The following UBR2 variants were observed in gnomAD, a reference collection of about 807,000 sequenced individuals.
UBR2 encodes E3 ubiquitin-protein ligase UBR2.
UBR2 carries 92 observed loss-of-function variants against 247.9 expected under a neutral mutation model. The observed-to-expected ratio is 0.37, with a 90% confidence interval of 0.31 to 0.44. The LOEUF is 0.44. Among genes scored for constraint, UBR2 ranks in the 20% least tolerant of loss-of-function variants. UBR2 has a pLI of 1.00. For missense variants in UBR2, 1,613 were observed against 2,112.6 expected (o/e 0.76, Z 4.64); for synonymous variants, 672 against 693.5 (o/e 0.97, Z 0.49).
At chr6:42,667,524 A>G (rs1413962802) in intron 34 of UBR2, among the ~76,000 whole-genome samples, 2 of 143,904 alleles carry the variant, frequency 1.4e-5, no homozygotes, top group Admixed American at 7.0e-5. Flanking sequence ...CATTATAATA[A>G]CTGTGTTTCT....
chr6:42,661,838 G>C (rs1389521713), intron 30 of UBR2, among the ~76,000 whole-genome samples: 1 of 152,310 alleles, frequency 6.6e-6, no homozygotes, highest in Non-Finnish European at 1.5e-5. Flanking sequence ...GAAGAGAGTA[G>C]CTCTTTTACC....
At chr6:42,614,404 G>GTATA (rs372482129) in intron 8 of UBR2, among the ~76,000 whole-genome samples, 73,056 of 114,182 alleles carry the variant, frequency 0.64, 26,179 homozygotes, top group East Asian at 0.77. Flanking sequence ...ACATACATAC[G>GTATA]TATGTATGTA....
In UBR2 at chr6:42,686,961, C is replaced by T. The variant is rs544726291; in HGVS notation, c.4854-1255C>T. Among the ~76,000 whole-genome samples, 735 of 147,682 alleles carry T rather than the reference C, an allele frequency of 5.0e-3. 4 individuals carry two copies. The highest frequency in any genetic ancestry group is 7.0e-3 in the Non-Finnish European group (465 of 66,906). On this transcript the variant is annotated intron_variant, in intron 44 of 46. Transcript: ENST00000372901. ...GCAGAGGCGCTCCCCACATCCCAGA[C>T]GATGGGCGGCCGGGCAGAGACGCTC...
intron 11 of UBR2, among the ~76,000 whole-genome samples, chr6:42,626,039 C>A (rs1795327900): frequency 6.6e-6 from 1 of 152,100 alleles, no homozygotes; most frequent in African/African-American, 2.4e-5. Flanking sequence ...TGGTCTCGAT[C>A]TCCTGACCTC....
intron 37 of UBR2, 104 bp downstream of exon 37, chr6:42,673,991 C>T: frequency 1.6e-6 from 2 of 1,279,142 alleles, no homozygotes; most frequent in Non-Finnish European, 1.1e-6. Context: ...TTTAGTAGTA[C>T]TGGTTTTCTT....
chr6:42,648,818 A>G (rs1190566431), intron 22 of UBR2, among the ~76,000 whole-genome samples: 1 of 152,182 alleles, frequency 6.6e-6, no homozygotes, highest in East Asian at 1.9e-4. Context: ...ATATCTTTCT[A>G]AATTTTTTTT....
chr6:42,670,248 A>G lies in UBR2; in HGVS notation c.4030+8A>G. The G allele has an allele frequency of 6.2e-7, 1 of 1,610,934 alleles. No homozygotes were observed. Among genetic ancestry groups the G allele is most frequent in the Non-Finnish European group, 8.5e-7 (1 of 1,177,490 alleles). Reference sequence around the variant, plus strand: ...ACACCATCCAAAGCATAGGTAAGAGATTTACAGCTGTTTCTCTATAAGTCA... The same window carrying G: ...ACACCATCCAAAGCATAGGTAAGAGGTTTACAGCTGTTTCTCTATAAGTCA... On this transcript the variant is annotated splice_region_variant and intron_variant, in intron 35 of 46. Transcript: ENST00000372901.
chr6:42,686,807 C>T (rs572012342), intron 44 of UBR2, among the ~76,000 whole-genome samples: 22 of 151,790 alleles, frequency 1.4e-4, no homozygotes, highest in East Asian at 2.0e-4. Flanking sequence ...ACTTCCCAGA[C>T]GGGGCGGCTG....
At chr6:42,639,321 G>C (rs1796284269) in intron 15 of UBR2, among the ~76,000 whole-genome samples, 1 of 152,232 alleles carries the variant, frequency 6.6e-6, no homozygotes, top group Non-Finnish European at 1.5e-5. Flanking sequence ...GGCTGGGCGT[G>C]GTGGCTCATG....
At position 42,670,152 on chromosome 6, in the gene UBR2, G is replaced by A. The variant is rs199591807; in HGVS notation, c.3942G>A (p.Lys1314=). ...CGACATTTGGAACTGCTACCTACAAGGTGGGACTAAAGGTTCATCCCAATG... is the reference window on the plus strand; with the variant it reads ...CGACATTTGGAACTGCTACCTACAAAGTGGGACTAAAGGTTCATCCCAATG... ...MLTTFGTATY[K]VGLKVHPNEE... Residue 1314 remains lysine, a synonymous_variant, in exon 35 of 47, where the codon AAG becomes AAA. Coordinates refer to ENST00000372901, the MANE Select transcript of UBR2 (RefSeq NM_001363705.2). 4 of 1,614,140 alleles carry A rather than the reference G, an allele frequency of 2.5e-6. No homozygotes were observed. The East Asian group carries it at 8.9e-5, about 36-fold the overall frequency.
chr6:42,634,978 T>C (rs1795995128), intron 13 of UBR2, among the ~76,000 whole-genome samples: 1 of 152,230 alleles, frequency 6.6e-6, no homozygotes, highest in African/African-American at 2.4e-5. Context: ...TTTTGCCTTC[T>C]TTCAGGCTCT....
chr6:42,603,032 A>G (rs1793487371), intron 4 of UBR2, among the ~76,000 whole-genome samples: 1 of 152,150 alleles, frequency 6.6e-6, no homozygotes, highest in Non-Finnish European at 1.5e-5. Flanking sequence ...TCTTACGTCT[A>G]GTGTATGAAG....
Position 42,612,300 on chromosome 6 carries a change from A to G in UBR2, c.985+9A>G. On this transcript the variant is annotated intron_variant, in intron 8 of 46. Transcript: ENST00000372901. ...TATTATTGGATATTCAGGTAGGTTCATAAAAGTTCATGCCAATTGTCTATT... is the reference window on the plus strand; with the variant it reads ...TATTATTGGATATTCAGGTAGGTTCGTAAAAGTTCATGCCAATTGTCTATT... 6.7e-7 allele frequency: 1 copy of G among 1,496,352 alleles called. No individual in the cohort carries two copies. The highest frequency in any genetic ancestry group is 9.1e-7 in the Non-Finnish European group (1 of 1,100,556). The allele number at this position is 1,496,352 out of a possible 1,614,324, so 92.7% of individuals were successfully genotyped here.
At chr6:42,625,653 T>G (rs1645841064) in intron 11 of UBR2, among the ~76,000 whole-genome samples, 1 of 152,022 alleles carries the variant, frequency 6.6e-6, no homozygotes, top group Admixed American at 6.6e-5. Context: ...TTTTGCCATC[T>G]TGGCCAGGCT....
intron 4 of UBR2, among the ~76,000 whole-genome samples, chr6:42,595,261 A>G (rs892029145): frequency 6.6e-6 from 1 of 152,182 alleles, no homozygotes; most frequent in Non-Finnish European, 1.5e-5. Flanking sequence ...CATTCTTTCT[A>G]TCTAGCTTTG....
intron 25 of UBR2, among the ~76,000 whole-genome samples, chr6:42,654,739 G>C (rs1286163671): frequency 6.6e-6 from 1 of 152,040 alleles, no homozygotes; most frequent in Non-Finnish European, 1.5e-5. Flanking sequence ...AAAAAAACTT[G>C]GGCATGGGAT....
intron 7 of UBR2, among the ~76,000 whole-genome samples, chr6:42,606,927 G>A (rs1562303167): frequency 6.6e-6 from 1 of 151,882 alleles, no homozygotes; most frequent in East Asian, 1.9e-4. Flanking sequence ...TTTTTAATTA[G>A]TAGAATTTTG....
In UBR2 at chr6:42,659,764, T is replaced by G. The variant is rs1177578923; in HGVS notation, c.3351T>G (p.Val1117=). 1.2e-6 allele frequency: 2 copies of G among 1,613,926 alleles called. No individual in the cohort carries two copies. The highest frequency in any genetic ancestry group is 2.2e-5 in the East Asian group (1 of 44,886). Reference sequence around the variant, plus strand: ...TATTGTGTCAAGAGGAGCAAGAAGTTAAAGTGGAAAGCAGGGCAATGGTCT... The same window carrying G: ...TATTGTGTCAAGAGGAGCAAGAAGTGAAAGTGGAAAGCAGGGCAATGGTCT... ...TCILCQEEQE[V]KVESRAMVLA... The change falls in exon 30 of 47, where the codon GTT becomes GTG. Residue 1117 remains valine, a synonymous_variant. Transcript: ENST00000372901. This position sits in a 1 kb window ranked among gnomAD's most constrained non-coding sequence, Gnocchi z 4.3.
At chr6:42,567,145 G>A (rs925391232) in intron 1 of UBR2, among the ~76,000 whole-genome samples, 8 of 152,288 alleles carry the variant, frequency 5.3e-5, no homozygotes, top group Non-Finnish European at 5.9e-5. Flanking sequence ...ATGAGCACTA[G>A]TGTCAACCTT....
Sources: gnomAD v4.1 joint callset for allele counts (sites outside exome capture counted in the v4.1 genomes callset) on GRCh38, gnomAD v4.1.1 for gene constraint, Gnocchi (gnomAD v3.1) non-coding constraint, MANE v1.5 for transcripts, NCBI Gene and HGNC (gene_info 2026-07-23, HGNC 2026-07-21) for gene names.